CERS3: variants seen among roughly 807,000 people sequenced by gnomAD.
CERS3 encodes the protein ceramide synthase 3.
Under a neutral mutation model 50.3 loss-of-function variants are expected in CERS3, and 33 were observed. The observed-to-expected ratio is 0.66, with a 90% CI of 0.50 to 0.88. CERS3 has a LOEUF of 0.88. Among genes scored for constraint, CERS3 ranks in the 40% least tolerant of loss-of-function variants. CERS3 has a pLI of 0.00. For synonymous variants in CERS3, 176 were observed against 155.2 expected (o/e 1.13, Z -0.99); for missense variants, 470 against 460.3 (o/e 1.02, Z -0.19).
At chr15:100,465,308 G>T (rs1403673834) in intron 10 of CERS3, among the ~76,000 whole-genome samples, 2 of 152,164 alleles carry the variant, frequency 1.3e-5, no homozygotes, top group Non-Finnish European at 2.9e-5. Context: ...AGTACATTTG[G>T]ATAGAATAAA....
In CERS3 at chr15:100,501,829, T is replaced by C; in HGVS notation, c.21A>G (p.Glu7=). 6.2e-7 allele frequency: 1 copy of C among 1,614,084 alleles called. No homozygotes were observed. The highest frequency in any genetic ancestry group is 1.3e-5 in the African/African-American group (1 of 75,048). ...GCCAGAATCTTTCCAACCAGAACCA[T>C]TCTTTAAACGTCCAAAACATTCTAG... MFWTFK[E]WFWLERFWLP... is the part of the protein sequence containing the mutation. The change falls in exon 3 of 12, where the codon GAA becomes GAG. Residue 7 remains glutamate (E), a synonymous_variant. Transcript: ENST00000679737.
intron 10 of CERS3, among the ~76,000 whole-genome samples, chr15:100,459,055 G>C (rs60521279): frequency 0.026 from 4,016 of 152,278 alleles, 195 homozygotes; most frequent in African/African-American, 0.091. Flanking sequence ...TGTATAGAAA[G>C]TACATACATT....
At chr15:100,478,290 G>A (rs2035197362) in intron 7 of CERS3, among the ~76,000 whole-genome samples, 1 of 152,180 alleles carries the variant, frequency 6.6e-6, no homozygotes, top group African/African-American at 2.4e-5. Context: ...CCAGTGAACT[G>A]GACAACAGGA....
intron 11 of CERS3, among the ~76,000 whole-genome samples, chr15:100,452,381 G>GA (rs1382306959): frequency 6.6e-6 from 1 of 151,968 alleles, no homozygotes; most frequent in African/African-American, 2.4e-5. Flanking sequence ...TGAATACATG[G>GA]AAAAAAACAT....
intron 11 of CERS3, among the ~76,000 whole-genome samples, chr15:100,439,413 C>T (rs1295400306): frequency 6.6e-6 from 1 of 151,964 alleles, no homozygotes; most frequent in African/African-American, 2.4e-5. Flanking sequence ...GTATTCTTTG[C>T]ATATTTAAAG....
At chr15:100,495,375 C>G (rs1360192772) in intron 3 of CERS3, among the ~76,000 whole-genome samples, 2 of 152,208 alleles carry the variant, frequency 1.3e-5, no homozygotes, top group Non-Finnish European at 2.9e-5. Flanking sequence ...TCCCTGTAAG[C>G]CTTTGGCTGA....
intron 2 of CERS3, among the ~76,000 whole-genome samples, chr15:100,507,170 G>C (rs2654618): frequency 0.95 from 144,690 of 152,284 alleles, 68,896 homozygotes; most frequent in Middle Eastern, 0.99. Flanking sequence ...CAGGTTCAGA[G>C]TTCAGCATGA....
At chr15:100,454,477 G>GT (rs2034292814) in intron 11 of CERS3, among the ~76,000 whole-genome samples, 1 of 151,430 alleles carries the variant, frequency 6.6e-6, no homozygotes, top group Admixed American at 6.6e-5. Context: ...TCAATAAATG[G>GT]TGTGGGGAAA....
chr15:100,512,411 GT>G (rs1475868237), intron 2 of CERS3, among the ~76,000 whole-genome samples: 1 of 152,188 alleles, frequency 6.6e-6, no homozygotes, highest in Non-Finnish European at 1.5e-5. Flanking sequence ...CCTTGGGGGT[GT>G]TGTGGCAGCG....
chr15:100,437,816 A>G (rs975237263), intron 11 of CERS3: 1 of 152,208 alleles, frequency 6.6e-6, no homozygotes, highest in Admixed American at 6.5e-5. Flanking sequence ...AATATACCCA[A>G]GATCACATTG....
At chr15:100,530,357 C>A (rs983479035), upstream of CERS3, among the ~76,000 whole-genome samples, 1 of 152,226 alleles carries the variant, frequency 6.6e-6, no homozygotes, top group Admixed American at 6.5e-5. Flanking sequence ...ATGGCCTGCT[C>A]GCAACCTGCT....
chr15:100,506,457 C>T (rs984309322), intron 2 of CERS3, among the ~76,000 whole-genome samples: 14 of 86,036 alleles, frequency 1.6e-4, no homozygotes, highest in Admixed American at 4.1e-4. Flanking sequence ...GTGAAGAAAT[C>T]GGGACCCCCC....
chr15:100,514,540 A>G (rs1317976551), intron 2 of CERS3, among the ~76,000 whole-genome samples: 2 of 152,210 alleles, frequency 1.3e-5, no homozygotes, highest in Non-Finnish European at 2.9e-5. Flanking sequence ...CAGTTAATAA[A>G]TAACACTTCA....
intron 11 of CERS3, among the ~76,000 whole-genome samples, chr15:100,449,706 A>G (rs747738868): frequency 6.6e-6 from 1 of 152,230 alleles, no homozygotes. Context: ...AAAGTTCCCT[A>G]CCAACAACCA....
At chr15:100,441,431 G>A (rs1321907912) in intron 11 of CERS3, among the ~76,000 whole-genome samples, 6 of 137,908 alleles carry the variant, frequency 4.4e-5, no homozygotes, top group Non-Finnish European at 6.2e-5. Context: ...TTACTTCCAC[G>A]CCCCAACCCC....
intron 3 of CERS3, among the ~76,000 whole-genome samples, chr15:100,491,677 C>A (rs1216454701): frequency 3.9e-5 from 6 of 152,076 alleles, no homozygotes; most frequent in Non-Finnish European, 8.8e-5. Flanking sequence ...GGTCTTTCTT[C>A]ATTTTAAATA....
In CERS3 at chr15:100,501,765, C is replaced by A; in HGVS notation, c.85G>T (p.Asp29Tyr). ...GAAGGTTTTACAAAGACGAGTCCAT[C>A]GTGATCCTCAAGATCTGACCACTTT... is the stretch of plus-strand genomic sequence containing the variant. ...TIKWSDLEDH[D>Y]GLVFVKPSHL... Residue 29 changes from aspartate (D) to tyrosine (Y), a missense_variant, in exon 3 of 12, where the codon GAT becomes TAT. By Grantham distance (160) the Asp-to-Tyr change is radical. Coordinates refer to ENST00000679737, the MANE Select transcript of CERS3 (RefSeq NM_001378789.1). 1.2e-6 allele frequency: 2 copies of A among 1,614,020 alleles called. No homozygotes were observed. Among genetic ancestry groups the A allele is most frequent in the Non-Finnish European group, 1.7e-6 (2 of 1,179,894 alleles).
chr15:100,488,727 C>T (rs1226300000), intron 4 of CERS3, among the ~76,000 whole-genome samples: 1 of 151,590 alleles, frequency 6.6e-6, no homozygotes, highest in Non-Finnish European at 1.5e-5. Flanking sequence ...TCTTATATTC[C>T]TTCACCTTTT....
chr15:100,518,553 T>A (rs1429573173), intron 2 of CERS3, among the ~76,000 whole-genome samples: 1 of 152,270 alleles, frequency 6.6e-6, no homozygotes, highest in African/African-American at 2.4e-5. Flanking sequence ...ATTTCCAGAC[T>A]TTTCAAATAC....
Sources: gnomAD v4.1 joint callset for allele counts (sites outside exome capture counted in the v4.1 genomes callset) on GRCh38, gnomAD v4.1.1 for gene constraint, MANE v1.5 for transcripts, NCBI Gene and HGNC (gene_info 2026-07-23, HGNC 2026-07-21) for gene names.